The following AKAP19 variants were observed in gnomAD, a reference collection of about 807,000 sequenced individuals.
AKAP19 encodes small A-kinase anchoring protein.
chr2:190,123,730 T>C, the AKAP19 span, among the ~76,000 whole-genome samples: 1 of 152,142 alleles, frequency 6.6e-6, no homozygotes, highest in African/African-American at 2.4e-5. Context: ...CCAACTAACC[T>C]GGATTAAGAA....
the AKAP19 span, among the ~76,000 whole-genome samples, chr2:190,161,847 A>G: frequency 6.6e-6 from 1 of 152,178 alleles, no homozygotes; most frequent in East Asian, 1.9e-4. Flanking sequence ...ATATGAGTTT[A>G]TTATCTGGAA....
chr2:190,005,352 G>C, the AKAP19 span, among the ~76,000 whole-genome samples: 1 of 152,166 alleles, frequency 6.6e-6, no homozygotes, highest in East Asian at 1.9e-4. Context: ...GTGCTGATTG[G>C]TGTGTTTTTA....
chr2:190,191,059 C>T, the AKAP19 span, among the ~76,000 whole-genome samples: 1 of 152,150 alleles, frequency 6.6e-6, no homozygotes, highest in African/African-American at 2.4e-5. Flanking sequence ...GCCTTTGAGT[C>T]ATCCATATTG....
At chr2:189,998,297 A>G in the AKAP19 span, among the ~76,000 whole-genome samples, 2 of 152,160 alleles carry the variant, frequency 1.3e-5, no homozygotes, top group Non-Finnish European at 2.9e-5. Flanking sequence ...TGGGAGCTGC[A>G]TGTTAGCCCT....
chr2:190,197,945 A>C, the AKAP19 span, among the ~76,000 whole-genome samples: 121 of 152,250 alleles, frequency 7.9e-4, 1 homozygote, highest in African/African-American at 2.8e-3. The surrounding 1 kb of genome is among the most constrained non-coding windows in gnomAD (Gnocchi z 4.0). Flanking sequence ...AACCATGTCC[A>C]ATTCCCTTAA....
chr2:190,199,642 C>CATACACTATTTTGCATTCTGTAACTTCA, the AKAP19 span: 1 of 1,168,966 alleles, frequency 8.6e-7, no homozygotes, highest in Non-Finnish European at 1.1e-6. Flanking sequence ...GCCACTCAAT[C>CATACACTATTTTGCATTCTGTAACTTCA]ATACACTATT....
chr2:190,081,736 C>T, the AKAP19 span, among the ~76,000 whole-genome samples: 4 of 152,136 alleles, frequency 2.6e-5, no homozygotes, highest in Non-Finnish European at 5.9e-5. Flanking sequence ...TCAGTGGGTT[C>T]CACTTGCCCT....
the AKAP19 span, chr2:189,923,528 G>A: frequency 3.7e-6 from 6 of 1,613,782 alleles, no homozygotes; most frequent in African/African-American, 6.7e-5. Context: ...AAATGCCCGG[G>A]CTGCTGTAGC....
the AKAP19 span, among the ~76,000 whole-genome samples, chr2:189,982,505 A>G: frequency 6.6e-6 from 1 of 152,038 alleles, no homozygotes; most frequent in African/African-American, 2.4e-5. Context: ...AAACTTTTCA[A>G]TCTGGTTAGC....
the AKAP19 span, among the ~76,000 whole-genome samples, chr2:190,040,387 G>T: frequency 6.6e-6 from 1 of 152,082 alleles, no homozygotes. Context: ...TTGTAAATTT[G>T]TTTAAGTTCC....
the AKAP19 span, among the ~76,000 whole-genome samples, chr2:190,038,931 C>CTTCTTCTTCTTCTTCTTCTTCTTT: frequency 2.9e-5 from 4 of 138,490 alleles, no homozygotes; most frequent in African/African-American, 8.9e-5. Flanking sequence ...TCTTCTTCTT[C>CTTCTTCTTCTTCTTCTTCTTCTTT]TTCTTCTTCT....
chr2:190,030,264 A>AT, the AKAP19 span, among the ~76,000 whole-genome samples: 7 of 152,180 alleles, frequency 4.6e-5, no homozygotes, highest in African/African-American at 1.2e-4. Flanking sequence ...ACCTAAGAAT[A>AT]TTTTTTGAAA....
At chr2:190,062,486 C>A in the AKAP19 span, 5 of 1,613,432 alleles carry the variant, frequency 3.1e-6, no homozygotes. Flanking sequence ...CATTACACAG[C>A]CCCTCTTTTT....
chr2:190,156,606 C>T, the AKAP19 span, among the ~76,000 whole-genome samples: 3 of 152,168 alleles, frequency 2.0e-5, no homozygotes, highest in East Asian at 1.9e-4. Context: ...AAAGAAACAA[C>T]GGGCAAATTA....
the AKAP19 span, among the ~76,000 whole-genome samples, chr2:189,936,343 T>G: frequency 6.6e-6 from 1 of 151,968 alleles, no homozygotes; most frequent in Non-Finnish European, 1.5e-5. Context: ...CTGTAAAATT[T>G]TAAAAACTGT....
chr2:189,985,233 G>C, the AKAP19 span, among the ~76,000 whole-genome samples: 1 of 152,122 alleles, frequency 6.6e-6, no homozygotes, highest in East Asian at 1.9e-4. Flanking sequence ...TCCTGGTTCT[G>C]TTCCCTCAGT....
chr2:189,965,784 C>A, the AKAP19 span, among the ~76,000 whole-genome samples: 1 of 152,124 alleles, frequency 6.6e-6, no homozygotes, highest in African/African-American at 2.4e-5. Flanking sequence ...TTTGATCCAG[C>A]AATCCCACTA....
chr2:190,173,478 T>G, the AKAP19 span, among the ~76,000 whole-genome samples: 1 of 152,212 alleles, frequency 6.6e-6, no homozygotes, highest in Non-Finnish European at 1.5e-5. Flanking sequence ...AGATAATGCC[T>G]GTAGTACTGG....
the AKAP19 span, among the ~76,000 whole-genome samples, chr2:190,042,378 T>G: frequency 6.6e-6 from 1 of 152,124 alleles, no homozygotes; most frequent in Non-Finnish European, 1.5e-5. Context: ...CTTCATCATT[T>G]CCAGTTGTGT....
Sources: gnomAD v4.1 joint callset for allele counts (sites outside exome capture counted in the v4.1 genomes callset) on GRCh38, gnomAD v4.1.1 for gene constraint, Gnocchi (gnomAD v3.1) non-coding constraint, MANE v1.5 for transcripts, NCBI Gene and HGNC (gene_info 2026-07-23, HGNC 2026-07-21) for gene names.